CHRND: variants seen among roughly 807,000 people sequenced by gnomAD.
CHRND encodes cholinergic receptor nicotinic delta subunit.
A neutral mutation model predicts 57.8 loss-of-function variants in CHRND; 40 were observed. That is an observed-to-expected ratio of 0.69 (90% CI 0.54 to 0.90). The LOEUF (loss-of-function observed/expected upper bound fraction) is 0.90, where lower values mean the gene tolerates loss of function less well. Among genes scored for constraint, CHRND ranks in the 40% least tolerant of loss-of-function variants. The pLI, the probability that CHRND is intolerant of heterozygous loss-of-function variation, is 0.00. For missense variants in CHRND, 634 were observed against 673.9 expected, an observed-to-expected ratio of 0.94 and a Z score of 0.66; for synonymous variants, 237 against 270.6, an observed-to-expected ratio of 0.88 and a Z score of 1.22.
At chr2:232,530,757 T>C (rs1691658735) in intron 7 of CHRND, among the ~76,000 whole-genome samples, 1 of 152,050 alleles carries the variant, frequency 6.6e-6, no homozygotes, top group African/African-American at 2.4e-5. Context: ...TGGGTGGGGC[T>C]ACCACAGGCA....
At chr2:232,531,719 C>T (rs1292536847) in intron 9 of CHRND, 63 bp downstream of exon 9, 15 of 1,395,096 alleles carry the variant, frequency 1.1e-5, no homozygotes, top group South Asian at 5.8e-5. Context: ...GAGGCTGAGG[C>T]GGGAGAATCT....
rs757902006 is a variant in CHRND, at chr2:232,529,964, C to A, written c.645C>A (p.His215Gln). 2 of 1,613,972 alleles carry A rather than the reference C, an allele frequency of 1.2e-6. No individual in the cohort carries two copies. The highest frequency in any genetic ancestry group is 2.7e-5 in the African/African-American group (2 of 74,906). The change falls in exon 7 of 12, where the codon CAC becomes CAA. Residue 215 changes from histidine to glutamine, a missense_variant. Physicochemically the swap from His to Gln is conservative, Grantham distance 24 (BLOSUM62 0). Coordinates refer to ENST00000258385, the MANE Select transcript of CHRND (RefSeq NM_000751.3). ...AGAACGGGGAGTGGGAGATAGTCCACCGGCCGGCCAGGGTCAACGTGGACC... is the reference window on the plus strand; with the variant it reads ...AGAACGGGGAGTGGGAGATAGTCCAACGGCCGGCCAGGGTCAACGTGGACC... The part of the protein sequence containing the change: ...FTENGEWEIV[H>Q]RPARVNVDPR...
chr2:232,528,762 G>C (rs967345934), intron 5 of CHRND, 100 bp from the exon 6 acceptor site: 19 of 1,586,970 alleles, frequency 1.2e-5, no homozygotes, highest in Non-Finnish European at 1.6e-5. Context: ...GTCTGGATTA[G>C]TGCTGCCCTC....
At chr2:232,531,518 T>C (rs1691697016) in intron 8 of CHRND, 24 bp from the exon 9 acceptor site, 1 of 1,613,778 alleles carries the variant, frequency 6.2e-7, no homozygotes. Context: ...CCCTGGGAGC[T>C]CCAAGCTGAG....
chr2:232,527,470 C>T (rs1415331300), intron 3 of CHRND, 25 bp downstream of exon 3: 41 of 1,594,198 alleles, frequency 2.6e-5, no homozygotes, highest in Admixed American at 5.0e-5. Flanking sequence ...CCCAGCCGGG[C>T]GCAGTGGCTC....
In CHRND at chr2:232,534,108, G is replaced by A. The variant is rs752209967; in HGVS notation, c.1225G>A (p.Gly409Arg). Residue 409 changes from glycine to arginine, a missense_variant, in exon 10 of 12, where the codon GGG becomes AGG. Coordinates refer to ENST00000258385, the MANE Select transcript of CHRND (RefSeq NM_000751.3). ...LMFEKQSERHGLARRLTTARR... is the reference protein window; with the variant it reads ...LMFEKQSERHRLARRLTTARR... Reference sequence around the variant, plus strand: ...GTTCGAGAAGCAGTCAGAGCGGCATGGGCTGGCCAGGCGCCTCACCACTGC... The same window carrying A: ...GTTCGAGAAGCAGTCAGAGCGGCATAGGCTGGCCAGGCGCCTCACCACTGC... 2 of 1,614,094 alleles carry A rather than the reference G, an allele frequency of 1.2e-6. No individual in the cohort carries two copies. The highest frequency in any genetic ancestry group is 3.3e-5 in the Admixed American group (2 of 60,030).
Position 232,531,612 on chromosome 2 carries a change from T to A in CHRND, c.1003T>A (p.Phe335Ile). ...CTGTGTCATCGTGCTCAACATCCAC[T>A]TCCGAACACCCAGCACCCATGTGCT... ...VICVIVLNIH[F>I]RTPSTHVLSE... is the part of the protein sequence containing the mutation. Residue 335 changes from phenylalanine (F) to isoleucine (I), a missense_variant, in exon 9 of 12, where the codon TTC becomes ATC. By Grantham distance (21) the Phe-to-Ile change is conservative. Coordinates refer to ENST00000258385, the MANE Select transcript of CHRND (RefSeq NM_000751.3). 1 of 1,613,830 alleles carries A rather than the reference T, an allele frequency of 6.2e-7. No homozygotes were observed. The highest frequency in any genetic ancestry group is 1.1e-5 in the South Asian group (1 of 91,068).
In CHRND at chr2:232,536,483, G is replaced by A. The variant is rs1317777805; in HGVS notation, c.*1171G>A. ...ACTAAGGCCTCCTGCCAACAGCCAC[G>A]TGAGTGAATGTGGAAGTGGATCCTC... On this transcript the variant is annotated 3_prime_UTR_variant, in exon 12 of 12. Coordinates refer to ENST00000258385, the MANE Select transcript of CHRND (RefSeq NM_000751.3). The A allele has an allele frequency of 1.3e-5, 6 of 453,730 alleles. No homozygotes were observed. Among genetic ancestry groups the A allele is most frequent in the East Asian group, 6.9e-5 (1 of 14,408 alleles). The allele number at this position is 453,730 out of a possible 1,614,324, so 28.1% of individuals were successfully genotyped here.
chr2:232,528,489 C>T lies in CHRND; in HGVS notation c.354-12C>T, dbSNP rs776034693. 6.2e-7 allele frequency: 1 copy of T among 1,614,112 alleles called. No homozygotes were observed. Among genetic ancestry groups the T allele is most frequent in the East Asian group, 2.2e-5 (1 of 44,884 alleles). ...GCCAGAGCTCACTATGGTTCTTGTC[C>T]CTGTCCCCCAGCAATGACGGCTCCT... is the stretch of plus-strand genomic sequence containing the variant. On this transcript the variant is annotated splice_polypyrimidine_tract_variant and intron_variant, in intron 4 of 11. Coordinates refer to ENST00000258385, the MANE Select transcript of CHRND (RefSeq NM_000751.3).
chr2:232,534,102 C>A lies in CHRND; in HGVS notation c.1219C>A (p.Arg407=), dbSNP rs766721840. 14 of 1,614,008 alleles carry A rather than the reference C, an allele frequency of 8.7e-6. No individual in the cohort carries two copies. Among genetic ancestry groups the A allele is most frequent in the Non-Finnish European group, 1.1e-5 (13 of 1,180,054 alleles). Residue 407 remains arginine (R), a synonymous_variant, in exon 10 of 12, where the codon CGG becomes AGG. Coordinates refer to ENST00000258385, the MANE Select transcript of CHRND (RefSeq NM_000751.3). ...SDLMFEKQSE[R]HGLARRLTTA... is the part of the protein sequence containing the mutation. ...CCTCATGTTCGAGAAGCAGTCAGAG[C>A]GGCATGGGCTGGCCAGGCGCCTCAC... is the stretch of plus-strand genomic sequence containing the variant.
At position 232,535,619 on chromosome 2, in the gene CHRND, G is replaced by T; in HGVS notation, c.*307G>T. The T allele has an allele frequency of 1.8e-6, 1 of 570,400 alleles. No homozygotes were observed. The highest frequency in any genetic ancestry group is 3.3e-6 in the Non-Finnish European group (1 of 302,654). The allele number at this position is 570,400 out of a possible 1,614,324, so 35.3% of individuals were successfully genotyped here. A position where few individuals can be genotyped will look rare whatever the true frequency, so the allele number is the denominator to read the frequency against. On this transcript the variant is annotated 3_prime_UTR_variant, in exon 12 of 12. Transcript: ENST00000258385. The stretch of plus-strand genomic sequence containing the variant: ...TGGCCTCAGGGGGAGAGCTCTGATA[G>T]GGGTGAGACAGATAGGGCCCCTTCT...
chr2:232,533,391 TG>T (rs1691775806), intron 9 of CHRND, among the ~76,000 whole-genome samples: 1 of 152,218 alleles, frequency 6.6e-6, no homozygotes, highest in African/African-American at 2.4e-5. Context: ...CCTTAGTTTT[TG>T]GTCTTTAATT....
rs1016982165 is a variant in CHRND at position 232,528,241 on chromosome 2, G to T, written c.244-21G>T. On this transcript the variant is annotated intron_variant, in intron 3 of 11. Transcript: ENST00000258385. ...CTGGATGGCTGCAGAGTGCACTGGT[G>T]ACATGCCTTTGGGATTCCAGGGCTG... is the stretch of plus-strand genomic sequence containing the variant. The T allele has an allele frequency of 4.3e-6, 7 of 1,612,008 alleles. No homozygotes were observed. The African/African-American group carries it at 5.3e-5, about 12-fold the overall frequency.
In CHRND at chr2:232,528,661, G is replaced by A; in HGVS notation, c.509+5G>A. The A allele has an allele frequency of 6.2e-7, 1 of 1,613,728 alleles. No homozygotes were observed. The highest frequency in any genetic ancestry group is 8.5e-7 in the Non-Finnish European group (1 of 1,180,024). Reference sequence around the variant, plus strand: ...GAACTGCTCCCTCAAGTTCAGGTGTGCCCTTTTCTCCAGCCACCCCTCACC... The same window carrying A: ...GAACTGCTCCCTCAAGTTCAGGTGTACCCTTTTCTCCAGCCACCCCTCACC... On this transcript the variant is annotated splice_donor_5th_base_variant and intron_variant, in intron 5 of 11. Transcript: ENST00000258385.
Position 232,535,210 on chromosome 2 carries a change from C to T in CHRND, c.1452C>T (p.Gly484=). The part of the protein sequence containing the change: ...LFVVTPVMVV[G]TAWIFLQGVY... ...TGGTGACGCCTGTCATGGTGGTGGG[C>T]ACAGCCTGGATCTTCCTGCAGGGCG... Residue 484 remains glycine, a synonymous_variant, in exon 12 of 12, where the codon GGC becomes GGT. Coordinates refer to ENST00000258385, the MANE Select transcript of CHRND (RefSeq NM_000751.3). The T allele has an allele frequency of 6.2e-7, 1 of 1,614,216 alleles. No homozygotes were observed. The highest frequency in any genetic ancestry group is 8.5e-7 in the Non-Finnish European group (1 of 1,180,038).
Position 232,535,793 on chromosome 2 carries a change from C to T in CHRND, c.*481C>T, listed in dbSNP as rs1170355214. On this transcript the variant is annotated 3_prime_UTR_variant, in exon 12 of 12. Coordinates refer to ENST00000258385, the MANE Select transcript of CHRND (RefSeq NM_000751.3). ...GACTGAGGTTGAGGACACCTCCCTCCCTCCAGACCCCAGAGTATCCTTTCC... is the reference window on the plus strand; with the variant it reads ...GACTGAGGTTGAGGACACCTCCCTCTCTCCAGACCCCAGAGTATCCTTTCC... 2.2e-6 allele frequency: 1 copy of T among 454,774 alleles called. No individual in the cohort carries two copies. Among genetic ancestry groups the T allele is most frequent in the Non-Finnish European group, 4.4e-6 (1 of 227,250 alleles). 28.2% of individuals were successfully genotyped at this position (454,774 alleles called of 1,614,324 possible). A position where few individuals can be genotyped will look rare whatever the true frequency, so the allele number is the denominator to read the frequency against.
rs1263839854 is a variant in CHRND, at chr2:232,535,207, G to A, written c.1449G>A (p.Val483=). The change falls in exon 12 of 12, where the codon GTG becomes GTA. Residue 483 remains valine (V), a synonymous_variant. Transcript: ENST00000258385. ...CLFVVTPVMV[V]GTAWIFLQGV... is the part of the protein sequence containing the mutation. Reference sequence around the variant, plus strand: ...TTGTGGTGACGCCTGTCATGGTGGTGGGCACAGCCTGGATCTTCCTGCAGG... The same window carrying A: ...TTGTGGTGACGCCTGTCATGGTGGTAGGCACAGCCTGGATCTTCCTGCAGG... 1 of 1,614,090 alleles carries A rather than the reference G, an allele frequency of 6.2e-7. No homozygotes were observed. The highest frequency in any genetic ancestry group is 1.3e-5 in the African/African-American group (1 of 74,932).
At chr2:232,533,569 G>A (rs548947362) in intron 9 of CHRND, among the ~76,000 whole-genome samples, 20 of 152,236 alleles carry the variant, frequency 1.3e-4, no homozygotes, top group African/African-American at 4.3e-4. Context: ...GATGTGTAAA[G>A]GTCACCCCAT....
chr2:232,531,316 G>A (rs1559296377), intron 7 of CHRND, 36 bp from the exon 8 acceptor site: 3 of 1,476,448 alleles, frequency 2.0e-6, no homozygotes, highest in African/African-American at 1.4e-5. Context: ...TCTAGGACCG[G>A]TGCCCCAAGG....
Sources: allele counts gnomAD v4.1 joint callset (sites outside exome capture counted in the v4.1 genomes callset), GRCh38; gene constraint gnomAD v4.1.1; transcripts MANE v1.5; gene names NCBI Gene and HGNC (gene_info 2026-07-23, HGNC 2026-07-21).